The following GPHN variants were observed in gnomAD, a reference collection of about 807,000 sequenced individuals.
GPHN encodes the protein gephyrin.
A neutral mutation model predicts 95.5 loss-of-function variants in GPHN; 17 were observed. The ratio of observed to expected loss-of-function variants is 0.18; its 90% CI spans 0.12 to 0.27. GPHN has a LOEUF of 0.27. GPHN is among the 10% of genes least tolerant of loss of function. The probability of loss-of-function intolerance (pLI) is 1.00; values close to 1 mark genes in which losing one functional copy is unlikely to be tolerated. For synonymous variants in GPHN, 320 were observed against 322.5 expected (o/e 0.99, Z 0.08); for missense variants, 660 against 978.1 (o/e 0.67, Z 4.34).
chr14:66,708,214 CAA>C (rs148207182), intron 2 of GPHN, among the ~76,000 whole-genome samples: 23 of 147,018 alleles, frequency 1.6e-4, no homozygotes, highest in African/African-American at 4.4e-4. Flanking sequence ...CTAAAAACTT[CAA>C]AAAAAAAAAT....
At chr14:67,056,635 C>G (rs1217468768) in intron 10 of GPHN, among the ~76,000 whole-genome samples, 3 of 152,224 alleles carry the variant, frequency 2.0e-5, no homozygotes, top group Admixed American at 2.0e-4. Flanking sequence ...CTCCAAGTCC[C>G]CACCAGACTC....
chr14:66,513,441 A>G (rs2058120362), intron 1 of GPHN, among the ~76,000 whole-genome samples: 1 of 151,920 alleles, frequency 6.6e-6, no homozygotes, highest in South Asian at 2.1e-4. Flanking sequence ...CTTGCTAGTG[A>G]TAGATTCCTG....
At chr14:67,306,271 A>G in the GPHN span, among the ~76,000 whole-genome samples, 3 of 149,150 alleles carry the variant, frequency 2.0e-5, no homozygotes, top group African/African-American at 7.4e-5. Flanking sequence ...AACCCGGCCT[A>G]TTTTCATATT....
At chr14:66,866,340 A>G (rs1008973103) in intron 4 of GPHN, among the ~76,000 whole-genome samples, 1 of 152,126 alleles carries the variant, frequency 6.6e-6, no homozygotes, top group Non-Finnish European at 1.5e-5. Context: ...TTCCATATAT[A>G]AAAATGTTAA....
At chr14:67,547,180 G>T in the GPHN span, among the ~76,000 whole-genome samples, 1 of 152,162 alleles carries the variant, frequency 6.6e-6, no homozygotes, top group African/African-American at 2.4e-5. Flanking sequence ...AGACACGGGA[G>T]GAACAACTGG....
chr14:67,249,906 G>A, the GPHN span, among the ~76,000 whole-genome samples: 2 of 152,204 alleles, frequency 1.3e-5, no homozygotes, highest in Non-Finnish European at 2.9e-5. Flanking sequence ...TGAGCTAGGT[G>A]CTCTGCTAGG....
intron 1 of GPHN, among the ~76,000 whole-genome samples, chr14:66,540,162 A>C (rs746145250): frequency 1.3e-5 from 2 of 152,202 alleles, no homozygotes; most frequent in East Asian, 3.8e-4. Flanking sequence ...CGTGCTCCAC[A>C]TATCTTCTAA....
chr14:67,395,728 A>G, the GPHN span: 1 of 630,494 alleles, frequency 1.6e-6, no homozygotes, highest in Non-Finnish European at 2.8e-6. Context: ...GGTAGTCTTT[A>G]AAGATTCACT....
At chr14:67,516,089 C>A in the GPHN span, among the ~76,000 whole-genome samples, 4 of 152,252 alleles carry the variant, frequency 2.6e-5, no homozygotes, top group South Asian at 6.2e-4. Flanking sequence ...CAATACCGAA[C>A]GTAGGAAATC....
intron 4 of GPHN, among the ~76,000 whole-genome samples, chr14:66,857,711 T>C (rs1017230527): frequency 2.0e-5 from 3 of 152,144 alleles, no homozygotes; most frequent in South Asian, 2.1e-4. Flanking sequence ...TGAGCAGTTA[T>C]AGTACCTGGT....
the GPHN span, among the ~76,000 whole-genome samples, chr14:67,435,609 C>T: frequency 6.6e-6 from 1 of 152,182 alleles, no homozygotes; most frequent in Admixed American, 6.5e-5. Flanking sequence ...TTTTATTTAT[C>T]AAAGTCCCAG....
intron 1 of GPHN, among the ~76,000 whole-genome samples, chr14:66,569,410 C>T (rs2060588543): frequency 6.6e-6 from 1 of 152,138 alleles, no homozygotes; most frequent in Non-Finnish European, 1.5e-5. Flanking sequence ...TGCCTGTAAT[C>T]CCAGAACTTT....
the GPHN span, chr14:67,473,867 G>C: frequency 6.2e-7 from 1 of 1,612,104 alleles, no homozygotes; most frequent in Non-Finnish European, 8.5e-7. The surrounding 1 kb of genome is among the most constrained non-coding windows in gnomAD (Gnocchi z 6.5). Context: ...AGAAGTAGCC[G>C]TGGATGGCAT....
intron 5 of GPHN, among the ~76,000 whole-genome samples, chr14:66,894,288 C>CTGG (rs2064704920): frequency 6.6e-6 from 1 of 152,130 alleles, no homozygotes; most frequent in Non-Finnish European, 1.5e-5. Context: ...ATAAATGGTG[C>CTGG]TGGGAAAACT....
chr14:67,492,169 C>A, the GPHN span, among the ~76,000 whole-genome samples: 1 of 152,172 alleles, frequency 6.6e-6, no homozygotes, highest in Non-Finnish European at 1.5e-5. Context: ...CCAACTCCAT[C>A]GCCTTGGAGG....
At chr14:67,026,282 A>G (rs1416382840) in intron 10 of GPHN, among the ~76,000 whole-genome samples, 1 of 152,212 alleles carries the variant, frequency 6.6e-6, no homozygotes, top group African/African-American at 2.4e-5. Context: ...TACAAGGATT[A>G]AATAGTATAA....
chr14:67,691,336 A>T, the GPHN span: 2 of 772,336 alleles, frequency 2.6e-6, no homozygotes, highest in South Asian at 3.1e-5. Context: ...GAAAATGAGG[A>T]TGCAGGACTT....
the GPHN span, among the ~76,000 whole-genome samples, chr14:67,408,349 TAAA>T: frequency 1.4e-4 from 18 of 125,678 alleles, no homozygotes; most frequent in East Asian, 4.1e-3. Flanking sequence ...TAAAATAAAA[TAAA>T]ATAAAAAAAG....
chr14:66,639,121 A>AATATATATATATATATAT (rs4058479), intron 1 of GPHN, among the ~76,000 whole-genome samples: 2,427 of 145,906 alleles, frequency 0.017, 43 homozygotes, highest in African/African-American at 0.037. Flanking sequence ...ACTGAAGGTA[A>AATATATATATATATATAT]ATATATATAT....
Sources: gnomAD v4.1 joint callset for allele counts (sites outside exome capture counted in the v4.1 genomes callset) on GRCh38, gnomAD v4.1.1 for gene constraint, Gnocchi (gnomAD v3.1) non-coding constraint, MANE v1.5 for transcripts, NCBI Gene and HGNC (gene_info 2026-07-23, HGNC 2026-07-21) for gene names.